HS1BP3: variants seen among roughly 807,000 people sequenced by gnomAD.
The protein encoded by HS1BP3 is HCLS1 binding protein 3.
In HS1BP3, 32 loss-of-function variants were observed where a neutral mutation model predicts 33.5. The ratio of observed to expected loss-of-function variants is 0.95; its 90% CI spans 0.72 to 1.28. HS1BP3 has a LOEUF of 1.28. HS1BP3 is among the 50% of genes most tolerant of loss of function. The pLI, the probability that HS1BP3 is intolerant of heterozygous loss-of-function variation, is 0.00. For synonymous variants in HS1BP3, 187 were observed against 209.2 expected (o/e 0.89, Z 0.92); for missense variants, 486 against 502.3 (o/e 0.97, Z 0.31).
chr2:20,600,397 G>A (rs78937421), intron 2 of HS1BP3, among the ~76,000 whole-genome samples: 251 of 152,238 alleles, frequency 1.6e-3, no homozygotes, highest in Middle Eastern at 3.4e-3. Context: ...ATTACAAGTC[G>A]CAACGGCCCT....
intron 5 of HS1BP3, among the ~76,000 whole-genome samples, chr2:20,574,387 A>C (rs73919907): frequency 0.062 from 9,427 of 152,310 alleles, 449 homozygotes; most frequent in African/African-American, 0.14. Flanking sequence ...TTAGCCCATG[A>C]AAATCTTGTA....
downstream of HS1BP3, among the ~76,000 whole-genome samples, chr2:20,615,030 T>C (rs1175331233): frequency 6.6e-6 from 1 of 152,240 alleles, no homozygotes; most frequent in Non-Finnish European, 1.5e-5. Flanking sequence ...GGGACTTGAC[T>C]GAGCTGTTGA....
chr2:20,619,708 G>A (rs569694743), intron 6 of HS1BP3, among the ~76,000 whole-genome samples: 6 of 152,368 alleles, frequency 3.9e-5, no homozygotes, highest in South Asian at 4.1e-4. Flanking sequence ...AGATGAGGAC[G>A]CTGGAGTCCC....
At chr2:20,577,407 G>T (rs1259412511) in intron 5 of HS1BP3, among the ~76,000 whole-genome samples, 15 of 152,130 alleles carry the variant, frequency 9.9e-5, no homozygotes, top group Admixed American at 3.9e-4. Flanking sequence ...GATTCTTGGG[G>T]TTGTTTTACC....
intron 5 of HS1BP3, among the ~76,000 whole-genome samples, chr2:20,567,518 T>C (rs1040878941): frequency 4.7e-5 from 5 of 106,768 alleles, no homozygotes; most frequent in South Asian, 3.9e-4. Context: ...GAGGAAGGCA[T>C]GTGGTGCTGG....
At chr2:20,557,849 A>G (rs1692876403), downstream of HS1BP3, among the ~76,000 whole-genome samples, 1 of 152,184 alleles carries the variant, frequency 6.6e-6, no homozygotes, top group Non-Finnish European at 1.5e-5. Context: ...TTAGGGCAAC[A>G]AGAGGAGAGG....
chr2:20,557,421 T>C (rs1865676), downstream of HS1BP3, among the ~76,000 whole-genome samples: 150,761 of 152,330 alleles, frequency 0.99, 74,627 homozygotes, highest in Middle Eastern at 1. Context: ...CTGATCTCTG[T>C]TGGGCCACTT....
chr2:20,604,819 G>A (rs546536970), intron 2 of HS1BP3, among the ~76,000 whole-genome samples: 1 of 152,108 alleles, frequency 6.6e-6, no homozygotes, highest in South Asian at 2.1e-4. Context: ...GAGAGACTCT[G>A]CCACGGAGTC....
In HS1BP3 at chr2:20,582,128, G is replaced by A. The variant is rs183807372; in HGVS notation, c.303-21613C>T. On this transcript the variant is annotated intron_variant, in intron 5 of 5. Coordinates refer to the HS1BP3 transcript ENST00000446825. ...TCTGTTGGTTAGAAATAAGTCACCGGTGCCCCCACACCAAGGAGAGGATTT... is the reference window on the plus strand; with the variant it reads ...TCTGTTGGTTAGAAATAAGTCACCGATGCCCCCACACCAAGGAGAGGATTT... 7.4e-4 allele frequency among the ~76,000 whole-genome samples: 113 copies of A among 152,304 alleles called. 1 individual carries two copies. The highest frequency in any genetic ancestry group is 1.3e-3 in the Non-Finnish European group (89 of 68,026).
At chr2:20,582,939 T>A (rs1195590078) in intron 5 of HS1BP3, among the ~76,000 whole-genome samples, 2 of 150,400 alleles carry the variant, frequency 1.3e-5, no homozygotes, top group East Asian at 3.9e-4. Context: ...CCAGGAGGAG[T>A]CCCAACCCTC....
At chr2:20,600,243 GC>G (rs975540271) in intron 2 of HS1BP3, among the ~76,000 whole-genome samples, 13 of 152,288 alleles carry the variant, frequency 8.5e-5, no homozygotes, top group Non-Finnish European at 1.8e-4. Context: ...CAGTGACCCT[GC>G]CCCTGGCACC....
chr2:20,625,879 C>T (rs1401749596), intron 4 of HS1BP3, among the ~76,000 whole-genome samples: 1 of 152,214 alleles, frequency 6.6e-6, no homozygotes, highest in Non-Finnish European at 1.5e-5. Flanking sequence ...GTGATACCGC[C>T]AGTAAGTAAA....
At chr2:20,561,792 T>C (rs1383124602) in intron 5 of HS1BP3, among the ~76,000 whole-genome samples, 2 of 152,170 alleles carry the variant, frequency 1.3e-5, no homozygotes, top group East Asian at 1.9e-4. Context: ...GATGAGTATC[T>C]TTTTTATGCT....
chr2:20,569,086 T>A (rs1231611575), intron 5 of HS1BP3, among the ~76,000 whole-genome samples: 1 of 151,942 alleles, frequency 6.6e-6, no homozygotes, highest in Non-Finnish European at 1.5e-5. Flanking sequence ...GCCCTACAGC[T>A]CAGCCGCAGC....
At chr2:20,648,695 T>A (rs1321736723) in intron 1 of HS1BP3, among the ~76,000 whole-genome samples, 1 of 152,194 alleles carries the variant, frequency 6.6e-6, no homozygotes, top group Non-Finnish European at 1.5e-5. Flanking sequence ...TCCGAGCCAA[T>A]GGCTCCCCAA....
chr2:20,610,265 G>A (rs1244618444), intron 2 of HS1BP3, among the ~76,000 whole-genome samples: 1 of 152,060 alleles, frequency 6.6e-6, no homozygotes, highest in Non-Finnish European at 1.5e-5. Context: ...CTCTTGGTGC[G>A]GTGCATTCTG....
chr2:20,562,119 A>G (rs1037908509), intron 5 of HS1BP3, among the ~76,000 whole-genome samples: 1 of 152,260 alleles, frequency 6.6e-6, no homozygotes, highest in Admixed American at 6.5e-5. Flanking sequence ...CCCTTTCCCC[A>G]TGCCTCGCCC....
intron 2 of HS1BP3, 65 bp from the exon 3 acceptor site, chr2:20,641,245 C>G (rs925567358): frequency 2.1e-6 from 3 of 1,449,404 alleles, no homozygotes; most frequent in Admixed American, 3.5e-5. Context: ...TTTCTCACCC[C>G]GACCAGGGGT....
intron 4 of HS1BP3, among the ~76,000 whole-genome samples, chr2:20,625,867 A>G (rs534748343): frequency 8.5e-5 from 13 of 152,348 alleles, no homozygotes; most frequent in Middle Eastern, 3.4e-3. Context: ...ACGTCACTGT[A>G]AGTGATACCG....
Sources: gnomAD v4.1 joint callset for allele counts (sites outside exome capture counted in the v4.1 genomes callset) on GRCh38, gnomAD v4.1.1 for gene constraint, MANE v1.5 for transcripts, NCBI Gene and HGNC (gene_info 2026-07-23, HGNC 2026-07-21) for gene names.